The following INPP4B variants were observed in gnomAD, a reference collection of about 807,000 sequenced individuals.
The protein encoded by INPP4B is inositol polyphosphate-4-phosphatase type II B, also known as inositol polyphosphate 4-phosphatase type II.
INPP4B carries 55 observed loss-of-function variants against 122.5 expected under a neutral mutation model. That is an observed-to-expected ratio of 0.45 (90% CI 0.36 to 0.56). The LOEUF is 0.56. Ranked by LOEUF, INPP4B falls within the 20% of genes least tolerant of loss-of-function variation. The probability of loss-of-function intolerance (pLI) is 0.00; values close to 1 mark genes in which losing one functional copy is unlikely to be tolerated. For missense variants in INPP4B, 1,000 were observed against 1,097.7 expected (o/e 0.91, Z 1.26); for synonymous variants, 403 against 388.7 (o/e 1.04, Z -0.43).
intron 21 of INPP4B, among the ~76,000 whole-genome samples, chr4:142,114,582 C>A (rs1038659155): frequency 2.6e-5 from 4 of 152,022 alleles, no homozygotes; most frequent in Non-Finnish European, 5.9e-5. Context: ...AACGGCTATT[C>A]AAACTTTTTG....
At chr4:142,225,144 A>C (rs1850988951) in intron 12 of INPP4B, among the ~76,000 whole-genome samples, 1 of 152,144 alleles carries the variant, frequency 6.6e-6, no homozygotes, top group African/African-American at 2.4e-5. Context: ...AAAAGCAGGC[A>C]GAAGAAGGTG....
At chr4:142,754,590 A>C (rs1270963666) in intron 1 of INPP4B, among the ~76,000 whole-genome samples, 3 of 151,880 alleles carry the variant, frequency 2.0e-5, no homozygotes, top group Non-Finnish European at 4.4e-5. Context: ...CCAAATCAAA[A>C]AATTTTTTTA....
chr4:142,455,429 G>T (rs906543442), intron 3 of INPP4B, among the ~76,000 whole-genome samples: 1 of 151,862 alleles, frequency 6.6e-6, no homozygotes, highest in African/African-American at 2.4e-5. Flanking sequence ...GTCTTTCTGA[G>T]GTTGCCTGAT....
chr4:142,617,298 A>T (rs1743923568), intron 2 of INPP4B, among the ~76,000 whole-genome samples: 1 of 152,098 alleles, frequency 6.6e-6, no homozygotes, highest in African/African-American at 2.4e-5. Context: ...GATCTCATCC[A>T]TTCCCTGGCT....
intron 9 of INPP4B, among the ~76,000 whole-genome samples, chr4:142,273,014 T>C (rs1579548888): frequency 6.6e-6 from 1 of 152,032 alleles, no homozygotes; most frequent in South Asian, 2.1e-4. Flanking sequence ...AGCTGTGTAA[T>C]AAACCGTATA....
At chr4:142,655,253 C>T (rs1213092116) in intron 2 of INPP4B, among the ~76,000 whole-genome samples, 1 of 152,204 alleles carries the variant, frequency 6.6e-6, no homozygotes, top group Non-Finnish European at 1.5e-5. Flanking sequence ...GGTGGTCCAG[C>T]TCCAGTAGGT....
intron 15 of INPP4B, among the ~76,000 whole-genome samples, chr4:142,190,751 T>TGTGTGC (rs1295527178): frequency 6.6e-6 from 1 of 151,338 alleles, no homozygotes; most frequent in Non-Finnish European, 1.5e-5. Context: ...TGTGTGCGCG[T>TGTGTGC]GTGTGTTGAT....
At chr4:142,302,964 C>A (rs1040727365) in intron 9 of INPP4B, among the ~76,000 whole-genome samples, 6 of 152,006 alleles carry the variant, frequency 3.9e-5, no homozygotes, top group African/African-American at 1.4e-4. Context: ...AGGTGACATA[C>A]GAATAGAAAC....
chr4:142,555,606 T>A (rs1728977765), intron 2 of INPP4B, among the ~76,000 whole-genome samples: 1 of 152,108 alleles, frequency 6.6e-6, no homozygotes, highest in Admixed American at 6.5e-5. Context: ...TGGTGGCTCA[T>A]GCCTGTAATC....
At chr4:142,038,812 C>T (rs1011714924) in intron 25 of INPP4B, among the ~76,000 whole-genome samples, 3 of 152,082 alleles carry the variant, frequency 2.0e-5, no homozygotes, top group African/African-American at 4.8e-5. Context: ...AGGGAGAGAT[C>T]GCCTATGTAT....
At chr4:142,545,737 A>ATGTGTG (rs1252741124) in intron 2 of INPP4B, among the ~76,000 whole-genome samples, 4,287 of 100,336 alleles carry the variant, frequency 0.043, 168 homozygotes, top group Middle Eastern at 0.08. Context: ...ATATACACAT[A>ATGTGTG]TATGTGTATA....
At chr4:142,790,100 A>C (rs1350512792) in intron 1 of INPP4B, among the ~76,000 whole-genome samples, 4 of 152,184 alleles carry the variant, frequency 2.6e-5, no homozygotes, top group African/African-American at 9.7e-5. Flanking sequence ...TTAAGGACTT[A>C]AATCTAAGAC....
intron 7 of INPP4B, among the ~76,000 whole-genome samples, chr4:142,322,663 A>G (rs1414317675): frequency 6.6e-6 from 1 of 152,204 alleles, no homozygotes; most frequent in Non-Finnish European, 1.5e-5. Context: ...TTTTTACCAG[A>G]AACATGCTTT....
At chr4:142,314,632 C>T (rs763023616) in intron 8 of INPP4B, 80 bp downstream of exon 8, 3 of 1,317,166 alleles carry the variant, frequency 2.3e-6, no homozygotes, top group Non-Finnish European at 3.2e-6. Context: ...TGTCAGTTAC[C>T]AAGCAGGAGG....
intron 2 of INPP4B, among the ~76,000 whole-genome samples, chr4:142,572,116 G>T (rs538773990): frequency 6.6e-6 from 1 of 152,072 alleles, no homozygotes; most frequent in African/African-American, 2.4e-5. Flanking sequence ...TTCCAAAGCC[G>T]TTTGTGTCTT....
rs1179883821 is a variant in INPP4B, at chr4:142,725,888, C to T, written c.-240G>A. 1.3e-5 allele frequency: 5 copies of T among 397,822 alleles called. No homozygotes were observed. The highest frequency in any genetic ancestry group is 8.8e-5 in the Admixed American group (2 of 22,700). The allele number at this position is 397,822 out of a possible 1,614,324, so 24.6% of individuals were successfully genotyped here. A position where few individuals can be genotyped will look rare whatever the true frequency, so the allele number is the denominator to read the frequency against. ...CAGAAGACCTCTTGCCAGGTAACAC[C>T]ATTTCTTTGTATTCTACGGGAAAAG... is the stretch of plus-strand genomic sequence containing the variant. On this transcript the variant is annotated 5_prime_UTR_variant, in exon 2 of 26. The change abolishes an upstream ATG in the 5' untranslated region. Transcript: ENST00000262992.
At chr4:142,084,862 G>A (rs577031785) in intron 24 of INPP4B, among the ~76,000 whole-genome samples, 1 of 152,224 alleles carries the variant, frequency 6.6e-6, no homozygotes, top group East Asian at 1.9e-4. Context: ...TTATATGTTT[G>A]TAAATCATCA....
chr4:142,238,015 G>A lies in INPP4B; in HGVS notation c.689-4C>T. ...TTACATACTGGGTTCTTTAACACTG[G>A]AAAAAAAAAGAAAAAATAATAGTTA... is the stretch of plus-strand genomic sequence containing the variant. On this transcript the variant is annotated splice_region_variant and splice_polypyrimidine_tract_variant and intron_variant, in intron 11 of 25. Coordinates refer to ENST00000262992, the MANE Select transcript of INPP4B (RefSeq NM_001101669.3). 2.3e-5 allele frequency: 31 copies of A among 1,332,124 alleles called. No homozygotes were observed. The highest frequency in any genetic ancestry group is 2.2e-4 in the Admixed American group (11 of 50,324). 82.5% of individuals were successfully genotyped at this position (1,332,124 alleles called of 1,614,324 possible).
At chr4:142,295,761 T>A (rs1758432778) in intron 9 of INPP4B, among the ~76,000 whole-genome samples, 1 of 151,918 alleles carries the variant, frequency 6.6e-6, no homozygotes, top group Non-Finnish European at 1.5e-5. Context: ...TCTTTTTTTT[T>A]TAGAGGACTT....
Sources: allele counts gnomAD v4.1 joint callset (sites outside exome capture counted in the v4.1 genomes callset), GRCh38; gene constraint gnomAD v4.1.1; transcripts MANE v1.5; gene names NCBI Gene and HGNC (gene_info 2026-07-23, HGNC 2026-07-21).